The following NRXN3 variants were observed in gnomAD, a reference collection of about 807,000 sequenced individuals.
NRXN3 encodes neurexin III.
NRXN3 carries 32 observed loss-of-function variants against 137.6 expected under a neutral mutation model. The observed-to-expected ratio is 0.23, with a 90% confidence interval of 0.18 to 0.31. The LOEUF (loss-of-function observed/expected upper bound fraction) is 0.31, where lower values mean the gene tolerates loss of function less well. NRXN3 is among the 10% of genes least tolerant of loss of function. NRXN3 has a pLI of 1.00. For missense variants in NRXN3, 1,574 were observed against 2,062.5 expected (o/e 0.76, Z 4.59); for synonymous variants, 798 against 784.5 (o/e 1.02, Z -0.29).
chr14:79,380,029 C>T (rs1353737377), intron 15 of NRXN3, among the ~76,000 whole-genome samples: 3 of 151,778 alleles, frequency 2.0e-5, no homozygotes, highest in Non-Finnish European at 4.4e-5. Context: ...ACCTTCTAAG[C>T]TGCAGTATTT....
intron 16 of NRXN3, among the ~76,000 whole-genome samples, chr14:79,629,560 G>C (rs1396611667): frequency 6.6e-6 from 1 of 152,082 alleles, no homozygotes; most frequent in Non-Finnish European, 1.5e-5. Context: ...GGGTAGGGTT[G>C]GGGACTAGAA....
In NRXN3 at chr14:78,442,072, C is replaced by T. The variant is rs1230717406; in HGVS notation, c.757+144212C>T. On this transcript the variant is annotated intron_variant, in intron 4 of 20. Transcript: ENST00000335750. ...GATCTTGCCACTGCACTCCATCCTG[C>T]GTGACAGAGCGAGACTCTGTCTCAA... 6.2e-5 allele frequency among the ~76,000 whole-genome samples: 9 copies of T among 144,168 alleles called. No homozygotes were observed. The East Asian group carries it at 8.3e-4, about 13-fold the overall frequency. 94.6% of individuals were successfully genotyped at this position (144,168 alleles called of 152,430 possible). A position where few individuals can be genotyped will look rare whatever the true frequency, so the allele number is the denominator to read the frequency against.
chr14:79,423,206 G>A (rs1254151521), intron 15 of NRXN3, among the ~76,000 whole-genome samples: 1 of 152,104 alleles, frequency 6.6e-6, no homozygotes, highest in Non-Finnish European at 1.5e-5. Context: ...TCTCCCATGT[G>A]TAGCAAACAT....
intron 4 of NRXN3, among the ~76,000 whole-genome samples, chr14:78,398,323 GC>G (rs2091715130): frequency 6.6e-6 from 1 of 151,484 alleles, no homozygotes; most frequent in African/African-American, 2.4e-5. Flanking sequence ...CTCAGTTCTT[GC>G]TATGATGTGT....
intron 10 of NRXN3, among the ~76,000 whole-genome samples, chr14:78,916,020 T>A (rs2099254437): frequency 1.3e-5 from 2 of 152,158 alleles, no homozygotes; most frequent in East Asian, 3.9e-4. Flanking sequence ...GACACTCTTG[T>A]GTCTTGGGAG....
chr14:78,938,765 G>A (rs1672949144), intron 10 of NRXN3, among the ~76,000 whole-genome samples: 1 of 151,896 alleles, frequency 6.6e-6, no homozygotes, highest in Non-Finnish European at 1.5e-5. Flanking sequence ...GGCTGTAAGA[G>A]GAAGTCAGGA....
At chr14:78,626,745 G>A (rs1477178025) in intron 4 of NRXN3, among the ~76,000 whole-genome samples, 1 of 152,200 alleles carries the variant, frequency 6.6e-6, no homozygotes, top group Non-Finnish European at 1.5e-5. Flanking sequence ...GGGTAGGTAG[G>A]AGGCCAGGTG....
chr14:78,905,440 C>T (rs543436550), intron 10 of NRXN3, among the ~76,000 whole-genome samples: 1 of 152,118 alleles, frequency 6.6e-6, no homozygotes, highest in East Asian at 1.9e-4. Context: ...CATTTTCTTT[C>T]TCAGCACCTG....
At chr14:78,507,101 A>G (rs995500029) in intron 4 of NRXN3, among the ~76,000 whole-genome samples, 2 of 152,112 alleles carry the variant, frequency 1.3e-5, no homozygotes, top group Admixed American at 6.6e-5. Flanking sequence ...GACCTCTTTC[A>G]CAGCTACATG....
intron 15 of NRXN3, among the ~76,000 whole-genome samples, chr14:79,129,483 C>A (rs1300399915): frequency 6.7e-6 from 1 of 148,170 alleles, no homozygotes; most frequent in African/African-American, 2.5e-5. Flanking sequence ...TGTAGTTGAG[C>A]GGTTTTGAGT....
intron 8 of NRXN3, among the ~76,000 whole-genome samples, chr14:78,802,501 T>C (rs1166872076): frequency 6.6e-6 from 1 of 152,234 alleles, no homozygotes; most frequent in Non-Finnish European, 1.5e-5. Context: ...ACCTGCACGT[T>C]GTGCACATGT....
At chr14:78,552,685 ATAAG>A (rs970526689) in intron 4 of NRXN3, among the ~76,000 whole-genome samples, 7 of 152,128 alleles carry the variant, frequency 4.6e-5, no homozygotes, top group Non-Finnish European at 8.8e-5. Context: ...AAATAAATAA[ATAAG>A]TAGTAATTAG....
chr14:79,741,573 C>G (rs780652620), intron 19 of NRXN3, among the ~76,000 whole-genome samples: 1 of 152,030 alleles, frequency 6.6e-6, no homozygotes, highest in Non-Finnish European at 1.5e-5. Context: ...CAACCTCCGT[C>G]CCCCAGGTTC....
At chr14:79,240,735 A>G (rs560573345) in intron 15 of NRXN3, among the ~76,000 whole-genome samples, 1 of 152,194 alleles carries the variant, frequency 6.6e-6, no homozygotes, top group South Asian at 2.1e-4. Flanking sequence ...ACATATTGAT[A>G]TCATCCCACC....
At chr14:78,941,057 T>C (rs903917561) in intron 10 of NRXN3, among the ~76,000 whole-genome samples, 8 of 152,208 alleles carry the variant, frequency 5.3e-5, no homozygotes, top group Non-Finnish European at 8.8e-5. Context: ...TGAATTTCAA[T>C]GTCCATAAGC....
chr14:78,274,114 A>G (rs984558296), intron 2 of NRXN3, among the ~76,000 whole-genome samples: 1 of 152,202 alleles, frequency 6.6e-6, no homozygotes, highest in African/African-American at 2.4e-5. Context: ...GTGAGGTGGG[A>G]GGACTACCCC....
At chr14:78,581,178 A>G (rs927711003) in intron 4 of NRXN3, among the ~76,000 whole-genome samples, 1 of 152,242 alleles carries the variant, frequency 6.6e-6, no homozygotes, top group Admixed American at 6.5e-5. Context: ...ATTTGATCTA[A>G]TACTAACACT....
chr14:79,762,539 C>G (rs955646225), intron 19 of NRXN3, among the ~76,000 whole-genome samples: 1 of 150,806 alleles, frequency 6.6e-6, no homozygotes, highest in Admixed American at 6.6e-5. Context: ...TGTTGATGCT[C>G]TGATGTTAGC....
At chr14:79,084,120 C>T (rs2047612482) in intron 15 of NRXN3, among the ~76,000 whole-genome samples, 1 of 151,922 alleles carries the variant, frequency 6.6e-6, no homozygotes. Context: ...CTCTATATTG[C>T]CCAGGCTGGT....
Sources: gnomAD v4.1 joint callset for allele counts (sites outside exome capture counted in the v4.1 genomes callset) on GRCh38, gnomAD v4.1.1 for gene constraint, MANE v1.5 for transcripts, NCBI Gene and HGNC (gene_info 2026-07-23, HGNC 2026-07-21) for gene names.